RMST: variants seen among roughly 807,000 people sequenced by gnomAD.
RMST encodes rhabdomyosarcoma 2 associated transcript, also known as long intergenic non-protein coding RNA 54.
chr12:97,482,765 ATTAT>A (rs1231606289), intron 5 of RMST, among the ~76,000 whole-genome samples: 20 of 143,096 alleles, frequency 1.4e-4, no homozygotes, highest in Middle Eastern at 3.4e-3. Context: ...ATAAATTTAT[ATTAT>A]TTATTTATTA....
intron 10 of RMST, among the ~76,000 whole-genome samples, chr12:97,521,478 A>C (rs1446863803): frequency 1.3e-5 from 2 of 152,204 alleles, no homozygotes; most frequent in Non-Finnish European, 2.9e-5. Context: ...CATTTAGGAA[A>C]TATCAGAATA....
At chr12:97,491,611 A>C (rs1245711404) in intron 5 of RMST, 1 of 213,994 alleles carries the variant, frequency 4.7e-6, no homozygotes, top group Non-Finnish European at 1.0e-5. Context: ...GAGGTATTGC[A>C]TTTTAAAATT....
intron 5 of RMST, chr12:97,483,381 A>G (rs10745799): frequency 0.82 from 125,286 of 152,174 alleles, 51,894 homozygotes; most frequent in Middle Eastern, 0.92. Context: ...TTTTTGTGGT[A>G]AATGTGGGCT....
intron 11 of RMST, among the ~76,000 whole-genome samples, chr12:97,554,587 A>G (rs1485451542): frequency 6.6e-6 from 1 of 152,188 alleles, no homozygotes; most frequent in Non-Finnish European, 1.5e-5. Context: ...AGATTCACAA[A>G]ATGTTATTAC....
At chr12:97,553,620 C>T (rs1036504938) in intron 11 of RMST, among the ~76,000 whole-genome samples, 1 of 152,152 alleles carries the variant, frequency 6.6e-6, no homozygotes, top group African/African-American at 2.4e-5. Flanking sequence ...CTTAACTCAA[C>T]TTCAGAAATG....
intron 5 of RMST, among the ~76,000 whole-genome samples, chr12:97,474,969 C>T (rs1874373223): frequency 6.6e-6 from 1 of 152,116 alleles, no homozygotes; most frequent in South Asian, 2.1e-4. Flanking sequence ...TTGCTCATTG[C>T]CTTCTGTCTT....
At chr12:97,515,496 A>G (rs1450658930) in intron 10 of RMST, among the ~76,000 whole-genome samples, 1 of 152,120 alleles carries the variant, frequency 6.6e-6, no homozygotes, top group Non-Finnish European at 1.5e-5. Context: ...AAACCAGTTC[A>G]TGTCTGTTCA....
chr12:97,551,572 C>G (rs1193585565), intron 11 of RMST, among the ~76,000 whole-genome samples: 1 of 152,148 alleles, frequency 6.6e-6, no homozygotes, highest in East Asian at 1.9e-4. Context: ...GGCTTTCAAG[C>G]TAGGGTTGTC....
In RMST at chr12:97,558,175, G is replaced by T. The variant is rs563964369; in HGVS notation, n.1546-2362G>T. Among the ~76,000 whole-genome samples the T allele has an allele frequency of 1.8e-4, 28 of 152,186 alleles. 1 individual carries two copies. The South Asian group carries it at 5.4e-3, about 29-fold the overall frequency. On this transcript the variant is annotated intron_variant and non_coding_transcript_variant, in intron 11 of 13. Coordinates refer to ENST00000640149, the Ensembl canonical transcript of RMST. ...ACACAGAATGAAATGTGGCCAGGTT[G>T]TTAAAGCACTGTCCCATTGGGTCTT...
In RMST at chr12:97,511,506, C is replaced by G. The variant is rs149175071; in HGVS notation, n.1340+15450C>G. 1.2e-3 allele frequency among the ~76,000 whole-genome samples: 184 copies of G among 152,118 alleles called. 1 individual carries two copies. Among genetic ancestry groups the G allele is most frequent in the Non-Finnish European group, 1.8e-3 (123 of 67,964 alleles). On this transcript the variant is annotated intron_variant and non_coding_transcript_variant, in intron 10 of 13. Coordinates refer to ENST00000640149, the Ensembl canonical transcript of RMST. ...TTTAGAAATTTCTTGCTATTTTTTC[C>G]TTTCATATTCTCTTTCAATTTTCTA...
intron 10 of RMST, among the ~76,000 whole-genome samples, chr12:97,510,833 T>C (rs1396362862): frequency 1.3e-5 from 2 of 152,166 alleles, no homozygotes; most frequent in African/African-American, 4.8e-5. Flanking sequence ...ATAAAGTCGA[T>C]AGGCTGAATG....
intron 5 of RMST, among the ~76,000 whole-genome samples, chr12:97,479,389 G>A (rs1874957113): frequency 6.6e-6 from 1 of 152,074 alleles, no homozygotes; most frequent in Non-Finnish European, 1.5e-5. Flanking sequence ...CTGGCCTCGA[G>A]TTATCCTCCT....
intron 10 of RMST, among the ~76,000 whole-genome samples, chr12:97,524,023 C>T (rs1277886506): frequency 3.0e-5 from 4 of 133,954 alleles, no homozygotes; most frequent in African/African-American, 1.1e-4. Flanking sequence ...TTGCAGTGAG[C>T]CGAGATCGCG....
intron 4 of RMST, among the ~76,000 whole-genome samples, chr12:97,464,477 A>G (rs1170966634): frequency 6.6e-6 from 1 of 152,234 alleles, no homozygotes; most frequent in Non-Finnish European, 1.5e-5. Flanking sequence ...AAGCAGTACT[A>G]TGGAGATTCA....
At chr12:97,492,535 G>T (rs765508049) in exon 6 of RMST, 1 of 153,438 alleles carries the variant, frequency 6.5e-6, no homozygotes, top group Non-Finnish European at 1.5e-5. Context: ...GAATGGCTGC[G>T]GGGAAATATA....
intron 11 of RMST, among the ~76,000 whole-genome samples, chr12:97,534,280 A>C (rs1881899978): frequency 6.6e-6 from 1 of 151,814 alleles, no homozygotes; most frequent in African/African-American, 2.4e-5. Flanking sequence ...TTTAACTAAA[A>C]GATAAACATG....
chr12:97,540,642 C>T (rs1338883463), intron 11 of RMST, among the ~76,000 whole-genome samples: 1 of 151,554 alleles, frequency 6.6e-6, no homozygotes. Context: ...ATCTTTTGGG[C>T]CCTAGTTTAC....
intron 11 of RMST, among the ~76,000 whole-genome samples, chr12:97,555,657 T>C (rs1277932342): frequency 1.3e-5 from 2 of 152,216 alleles, no homozygotes; most frequent in African/African-American, 2.4e-5. Flanking sequence ...ATTTATAAGA[T>C]TGCCTTTCTC....
intron 10 of RMST, among the ~76,000 whole-genome samples, chr12:97,522,934 C>T (rs1341572715): frequency 6.6e-6 from 1 of 152,026 alleles, no homozygotes; most frequent in Non-Finnish European, 1.5e-5. Flanking sequence ...ATTATTTTTT[C>T]ATGGGTTATC....
Sources: gnomAD v4.1 joint callset for allele counts (sites outside exome capture counted in the v4.1 genomes callset) on GRCh38, gnomAD v4.1.1 for gene constraint, MANE v1.5 for transcripts, NCBI Gene and HGNC (gene_info 2026-07-23, HGNC 2026-07-21) for gene names.